Variants in ILKAP observed in about 807,000 individuals in gnomAD.
ILKAP encodes integrin-linked kinase-associated serine/threonine phosphatase 2C.
ILKAP carries 11 observed loss-of-function variants against 49.1 expected under a neutral mutation model. The ratio of observed to expected loss-of-function variants is 0.22; its 90% CI spans 0.14 to 0.37. The LOEUF (loss-of-function observed/expected upper bound fraction) is 0.37. Among genes scored for constraint, ILKAP ranks in the 10% least tolerant of loss-of-function variants. ILKAP has a pLI of 1.00. For missense variants in ILKAP, 363 were observed against 510.8 expected (o/e 0.71, Z 2.79); for synonymous variants, 186 against 192.8 (o/e 0.96, Z 0.29).
At chr2:238,194,216 T>C in intron 3 of ILKAP, 59 bp downstream of exon 3, 2 of 1,435,190 alleles carry the variant, frequency 1.4e-6, no homozygotes, top group South Asian at 2.3e-5. Context: ...AAATTTCACA[T>C]AAGAGTAAAA....
In ILKAP at chr2:238,189,921, G is replaced by A. The variant is rs757175628; in HGVS notation, c.230C>T (p.Ala77Val). 3 of 1,613,622 alleles carry A rather than the reference G, an allele frequency of 1.9e-6. No homozygotes were observed. Among genetic ancestry groups the A allele is most frequent in the African/African-American group, 2.7e-5 (2 of 74,856 alleles). ...SQMVKTEGKG[A>V]KRKTSEEEKN... is the part of the protein sequence containing the mutation. ...CTCTTCCTCGGAGGTTTTTCTCTTTGCTCCTTTCCCTTCAGTCTTTACCAT... is the reference window on the plus strand; with the variant it reads ...CTCTTCCTCGGAGGTTTTTCTCTTTACTCCTTTCCCTTCAGTCTTTACCAT... Residue 77 changes from alanine (A) to valine (V), a missense_variant, in exon 4 of 12, where the codon GCA becomes GTA. Ala to Val is a moderately conservative substitution (Grantham distance 64). Around this residue, in one of 3 missense-constraint regions of ILKAP, gnomAD observed 114 missense variants for 116.0 expected, o/e 0.98. Coordinates refer to ENST00000254654, the MANE Select transcript of ILKAP (RefSeq NM_030768.3).
chr2:238,173,546 G>T lies in ILKAP; in HGVS notation c.944C>A (p.Thr315Asn). ...SVPDIRRCQL[T>N]PNDRFILLAC... Reference sequence around the variant, plus strand: ...TAGGGCCTTTTACCTGTCATTGGGGGTCAGCTGGCAGCGTCTGATGTCGGG... The same window carrying T: ...TAGGGCCTTTTACCTGTCATTGGGGTTCAGCTGGCAGCGTCTGATGTCGGG... The change falls in exon 10 of 12, where the codon ACC becomes AAC. Residue 315 changes from threonine to asparagine, a missense_variant. Transcript: ENST00000254654. 6.2e-7 allele frequency: 1 copy of T among 1,613,586 alleles called. No individual in the cohort carries two copies. The highest frequency in any genetic ancestry group is 2.2e-5 in the East Asian group (1 of 44,870).
At chr2:238,180,872 T>C (rs1693660899) in intron 9 of ILKAP, among the ~76,000 whole-genome samples, 1 of 152,164 alleles carries the variant, frequency 6.6e-6, no homozygotes, top group Non-Finnish European at 1.5e-5. Flanking sequence ...ATGTAAAACT[T>C]ACAAGAAAGG....
At chr2:238,187,795 A>G (rs1262537012) in intron 5 of ILKAP, among the ~76,000 whole-genome samples, 1 of 152,224 alleles carries the variant, frequency 6.6e-6, no homozygotes. Context: ...TCTCCCGCTC[A>G]GCAGGGCTGC....
chr2:238,185,050 T>C, intron 6 of ILKAP, 131 bp downstream of exon 6: 1 of 626,896 alleles, frequency 1.6e-6, no homozygotes, highest in Non-Finnish European at 2.9e-6. Flanking sequence ...CATCCACTCC[T>C]CAGCACCACT....
In ILKAP at chr2:238,203,624, C is replaced by CCGGGCGGGCGGCAGCAG. The variant is rs1316284332; in HGVS notation, c.-88_-72dup. The stretch of plus-strand genomic sequence containing the variant: ...GCGAGCAGCGGCCGGGCTCCACACC[C>CCGGGCGGGCGGCAGCAG]CGGGCGGGCGGCAGCAGCGGGCGGG... On this transcript the variant is annotated 5_prime_UTR_variant, in exon 1 of 12. Transcript: ENST00000254654. 1.6e-5 allele frequency: 16 copies of CCGGGCGGGCGGCAGCAG among 978,714 alleles called. No individual in the cohort carries two copies. In the East Asian group the frequency reaches 2.8e-4, roughly 17 times the overall value. 60.6% of individuals were successfully genotyped at this position (978,714 alleles called of 1,614,324 possible).
At chr2:238,192,402 T>G (rs1208964593) in intron 3 of ILKAP, among the ~76,000 whole-genome samples, 1 of 151,676 alleles carries the variant, frequency 6.6e-6, no homozygotes, top group Non-Finnish European at 1.5e-5. Context: ...CCTGCCCGCT[T>G]AAGAATGTGT....
At chr2:238,170,711 G>T in intron 11 of ILKAP, 35 bp from the exon 12 acceptor site, 1 of 1,597,794 alleles carries the variant, frequency 6.3e-7, no homozygotes, top group South Asian at 1.1e-5. Context: ...TGAATGGAGT[G>T]ACCCCGCACC....
chr2:238,193,324 G>A (rs564267828), intron 3 of ILKAP, among the ~76,000 whole-genome samples: 2 of 152,140 alleles, frequency 1.3e-5, no homozygotes, highest in East Asian at 1.9e-4. Context: ...GGGTTCAAGC[G>A]ACTCTCCTGC....
chr2:238,186,759 C>T (rs1188552438), intron 5 of ILKAP: 1 of 150,664 alleles, frequency 6.6e-6, no homozygotes, highest in Non-Finnish European at 1.5e-5. Flanking sequence ...TTCTAGAGAG[C>T]TGCTTTTCTT....
intron 9 of ILKAP, among the ~76,000 whole-genome samples, chr2:238,181,132 T>C (rs1170623527): frequency 6.6e-6 from 1 of 152,224 alleles, no homozygotes; most frequent in Non-Finnish European, 1.5e-5. Context: ...GAAACCTCCC[T>C]GTACCACTGA....
chr2:238,178,735 G>A (rs987768981), intron 9 of ILKAP, among the ~76,000 whole-genome samples: 1 of 151,968 alleles, frequency 6.6e-6, no homozygotes, highest in African/African-American at 2.4e-5. Context: ...CTGAGCACCC[G>A]AGAACATGGA....
intron 3 of ILKAP, among the ~76,000 whole-genome samples, chr2:238,191,758 A>G (rs966406089): frequency 1.3e-5 from 2 of 151,984 alleles, no homozygotes; most frequent in Non-Finnish European, 2.9e-5. Flanking sequence ...AAATACAAAA[A>G]ATTAGCCGGG....
rs766274449 is a variant in ILKAP at position 238,173,567 on chromosome 2, T to A, written c.923A>T (p.Asp308Val). The A allele has an allele frequency of 2.5e-6, 4 of 1,613,738 alleles. No individual in the cohort carries two copies. The highest frequency in any genetic ancestry group is 3.4e-6 in the Non-Finnish European group (4 of 1,179,822). The change falls in exon 10 of 12, where the codon GAC (aspartate) becomes GTC (valine). Residue 308 changes from aspartate to valine, a missense_variant. This residue lies in a region of ILKAP where 166 missense variants were observed against 307.3 expected (regional missense o/e 0.54). Transcript: ENST00000254654. ...YKRCGVTSVPDIRRCQLTPND... is the reference protein window; with the variant it reads ...YKRCGVTSVPVIRRCQLTPND... ...GGGGGTCAGCTGGCAGCGTCTGATG[T>A]CGGGCACAGAGGTGACACCGCAGCG...
At chr2:238,192,973 A>G (rs1297173785) in intron 3 of ILKAP, among the ~76,000 whole-genome samples, 1 of 152,092 alleles carries the variant, frequency 6.6e-6, no homozygotes, top group East Asian at 1.9e-4. Context: ...AGATTGTGCC[A>G]CTGCACTCCA....
chr2:238,195,376 G>A (rs1485963962), intron 1 of ILKAP, among the ~76,000 whole-genome samples: 1 of 152,064 alleles, frequency 6.6e-6, no homozygotes, highest in Non-Finnish European at 1.5e-5. Context: ...TTGGAACCTG[G>A]TGTCCCTAGC....
intron 4 of ILKAP, 172 bp downstream of exon 4, chr2:238,189,681 A>T: frequency 1.9e-6 from 1 of 523,846 alleles, no homozygotes; most frequent in South Asian, 2.3e-5. Context: ...GTACATGAAA[A>T]GTAGGAGAAA....
intron 3 of ILKAP, among the ~76,000 whole-genome samples, chr2:238,191,020 TCA>T (rs1205583919): frequency 6.6e-6 from 1 of 152,066 alleles, no homozygotes; most frequent in Non-Finnish European, 1.5e-5. Context: ...AGTGGCATGA[TCA>T]CAGTTTACTG....
intron 3 of ILKAP, among the ~76,000 whole-genome samples, chr2:238,190,341 T>C (rs953336463): frequency 7.9e-5 from 12 of 152,042 alleles, no homozygotes; most frequent in Non-Finnish European, 1.6e-4. Flanking sequence ...AACTAACATA[T>C]CCTAATCACG....
Sources: allele counts gnomAD v4.1 joint callset (sites outside exome capture counted in the v4.1 genomes callset), GRCh38; gene constraint gnomAD v4.1.1; regional missense constraint gnomAD v4.1.1; transcripts MANE v1.5; gene names NCBI Gene and HGNC (gene_info 2026-07-23, HGNC 2026-07-21).